Variants in POLR2F observed in about 807,000 individuals in gnomAD.
POLR2F encodes RNA polymerase II, I and III subunit F, also known as DNA-directed RNA polymerases I, II, and III subunit RPABC2.
A neutral mutation model predicts 22.7 loss-of-function variants in POLR2F; 12 were observed. That is an observed-to-expected ratio of 0.53 (90% CI 0.34 to 0.86). The LOEUF (loss-of-function observed/expected upper bound fraction) is 0.86, where lower values mean the gene tolerates loss of function less well. Ranked by LOEUF, POLR2F falls within the 40% of genes least tolerant of loss-of-function variation. The pLI is 0.02. For synonymous variants in POLR2F, 57 were observed against 66.0 expected, an observed-to-expected ratio of 0.86 and a Z score of 0.66; for missense variants, 126 against 171.5, an observed-to-expected ratio of 0.73 and a Z score of 1.48.
At chr22:38,037,553 CT>C (rs2085128449) in intron 5 of POLR2F, among the ~76,000 whole-genome samples, 1 of 150,380 alleles carries the variant, frequency 6.6e-6, no homozygotes, top group Non-Finnish European at 1.5e-5. Context: ...GGGAATGCAG[CT>C]GTGAGCCACT....
chr22:37,955,272 C>T (rs1398347788), intron 1 of POLR2F, among the ~76,000 whole-genome samples: 2 of 145,086 alleles, frequency 1.4e-5, no homozygotes, highest in East Asian at 4.1e-4. Context: ...GGTGCTGTGG[C>T]TTACACCTCT....
In POLR2F at chr22:37,967,866, G is replaced by T. The variant is rs528052218; in HGVS notation, c.*151G>T. On this transcript the variant is annotated 3_prime_UTR_variant, in exon 5 of 5. Coordinates refer to ENST00000442738, the MANE Select transcript of POLR2F (RefSeq NM_021974.5). ...TGCTTCCCCGTTACCGCCATGCTGC[G>T]TGGAGCATGCACCTATTCCAGTGGC... 7.1e-7 allele frequency: 1 copy of T among 1,411,984 alleles called. No individual in the cohort carries two copies. The allele number at this position is 1,411,984 out of a possible 1,614,324, so 87.5% of individuals were successfully genotyped here.
upstream of POLR2F, chr22:37,984,158 C>T: frequency 6.0e-6 from 1 of 166,696 alleles, no homozygotes; most frequent in South Asian, 1.9e-4. The surrounding 1 kb of genome is among the most constrained non-coding windows in gnomAD (Gnocchi z 4.4). Context: ...CTTTATTTTG[C>T]TCTAATCCCG....
chr22:37,975,395 G>A (rs1932191499), intron 4 of POLR2F, among the ~76,000 whole-genome samples: 1 of 152,124 alleles, frequency 6.6e-6, no homozygotes, highest in African/African-American at 2.4e-5. Context: ...GAGTGGGGTG[G>A]GGCCTTGAAG....
chr22:38,003,259 C>T (rs950923612), intron 1 of POLR2F, among the ~76,000 whole-genome samples: 2 of 152,056 alleles, frequency 1.3e-5, no homozygotes, highest in Admixed American at 6.6e-5. Context: ...CAGAGTCTTG[C>T]TCTGTTGCCC....
chr22:37,987,524 G>A (rs541891247), intron 1 of POLR2F: 153 of 353,650 alleles, frequency 4.3e-4, no homozygotes, highest in African/African-American at 3.0e-3. Context: ...CACGTGGGGC[G>A]ATGGTCACCC....
chr22:37,989,569 C>T (rs1932678700), intron 1 of POLR2F, among the ~76,000 whole-genome samples: 1 of 152,324 alleles, frequency 6.6e-6, no homozygotes, highest in Admixed American at 6.5e-5. Context: ...CTAGGGCCTC[C>T]CCAGGTGCCG....
intron 3 of POLR2F, among the ~76,000 whole-genome samples, chr22:37,960,001 G>A (rs918031643): frequency 2.0e-5 from 3 of 151,848 alleles, no homozygotes; most frequent in East Asian, 2.0e-4. Context: ...ACGGGGTCTC[G>A]CCATGTTGCC....
chr22:37,969,009 G>T lies in POLR2F; in HGVS notation c.*1294G>T. On this transcript the variant is annotated 3_prime_UTR_variant, in exon 5 of 5. Transcript: ENST00000442738. ...AGCTCTGAAATGCCGCCTTTGTGCT[G>T]GCATCCAGGCAGCCGCCCCAGAGTG... The T allele has an allele frequency of 1.0e-6, 1 of 985,436 alleles. No individual in the cohort carries two copies. Among genetic ancestry groups the T allele is most frequent in the Non-Finnish European group, 1.2e-6 (1 of 829,940 alleles). 61.0% of individuals were successfully genotyped at this position (985,436 alleles called of 1,614,324 possible). A position where few individuals can be genotyped will look rare whatever the true frequency, so the allele number is the denominator to read the frequency against.
chr22:37,953,926 A>G, intron 1 of POLR2F, 119 bp downstream of exon 1: 1 of 1,230,688 alleles, frequency 8.1e-7, no homozygotes. Context: ...TGGGGTCCTG[A>G]GGGGGCCGGC....
At chr22:37,985,105 C>T (rs1196289564), upstream of POLR2F, 4 of 152,240 alleles carry the variant, frequency 2.6e-5, no homozygotes, top group East Asian at 1.9e-4. Context: ...AGGGATCCCT[C>T]TGAGAAGTGC....
upstream of POLR2F, chr22:37,986,023 C>T: frequency 1.5e-6 from 2 of 1,376,752 alleles, no homozygotes; most frequent in South Asian, 3.3e-5. The surrounding 1 kb of genome is among the most constrained non-coding windows in gnomAD (Gnocchi z 4.7). Flanking sequence ...CCTCCTCCCC[C>T]CGCCTCCCTT....
At chr22:37,969,970 C>T (rs976179916), downstream of POLR2F, among the ~76,000 whole-genome samples, 1 of 152,100 alleles carries the variant, frequency 6.6e-6, no homozygotes, top group Admixed American at 6.6e-5. Flanking sequence ...TGTAATTAGA[C>T]AGTTTTAGAA....
chr22:37,967,299 A>G (rs755468247), intron 4 of POLR2F, 129 bp downstream of exon 4: 2 of 1,529,998 alleles, frequency 1.3e-6, no homozygotes, highest in African/African-American at 2.8e-5. Flanking sequence ...ATCCTTAGGA[A>G]CAGCTCACCA....
chr22:37,991,341 A>G (rs1021027754), intron 1 of POLR2F, among the ~76,000 whole-genome samples: 6 of 151,560 alleles, frequency 4.0e-5, no homozygotes, highest in African/African-American at 1.5e-4. Context: ...CTGGTCTTGA[A>G]CTCCTGACCT....
chr22:37,975,928 A>G (rs755783679), intron 4 of POLR2F, among the ~76,000 whole-genome samples: 1 of 151,918 alleles, frequency 6.6e-6, no homozygotes, highest in East Asian at 1.9e-4. Flanking sequence ...CTCTCTCTAT[A>G]TATATACTAT....
At position 37,986,481 on chromosome 22, in the gene POLR2F, C is replaced by A; in HGVS notation, c.120+169C>A. On this transcript the variant is annotated intron_variant, in intron 1 of 2. Coordinates refer to the POLR2F transcript ENST00000333418. The surrounding 1 kb of genome is among the most constrained non-coding windows in gnomAD (Gnocchi z 4.7). ...GGTGGAATGTGGGGTCCCACAGCTG[C>A]CCCCTCTCTAACTCCCTGCTTCCTC... 7.0e-7 allele frequency: 1 copy of A among 1,427,584 alleles called. No homozygotes were observed. The highest frequency in any genetic ancestry group is 9.5e-7 in the Non-Finnish European group (1 of 1,049,192). The allele number at this position is 1,427,584 out of a possible 1,614,324, so 88.4% of individuals were successfully genotyped here.
In POLR2F at chr22:37,986,236, C is replaced by A. The variant is rs765993102; in HGVS notation, c.46C>A (p.Pro16Thr). 3.2e-6 allele frequency: 5 copies of A among 1,540,838 alleles called. No homozygotes were observed. Among genetic ancestry groups the A allele is most frequent in the East Asian group, 4.9e-5 (2 of 40,938 alleles). ...GAGGGACGAGCATCTGCCGTCGTGT[C>A]CCGGCTGCCCTGCAGTCGCCTCCAA... Residue 16 changes from proline to threonine, a missense_variant, in exon 1 of 3, where the codon CCC becomes ACC. By Grantham distance (38) the Pro-to-Thr change is conservative (BLOSUM62 -1). Coordinates refer to the POLR2F transcript ENST00000333418. The surrounding 1 kb of genome is among the most constrained non-coding windows in gnomAD (Gnocchi z 4.7).
At chr22:37,977,308 CCA>C (rs1361913854) in intron 4 of POLR2F, among the ~76,000 whole-genome samples, 6 of 151,720 alleles carry the variant, frequency 4.0e-5, no homozygotes, top group African/African-American at 1.2e-4. Flanking sequence ...TCCATGACCT[CCA>C]CAGAGTCTTT....
Sources: gnomAD v4.1 joint callset for allele counts (sites outside exome capture counted in the v4.1 genomes callset) on GRCh38, gnomAD v4.1.1 for gene constraint, Gnocchi (gnomAD v3.1) non-coding constraint, MANE v1.5 for transcripts, NCBI Gene and HGNC (gene_info 2026-07-23, HGNC 2026-07-21) for gene names.